Variants in SGMS1 observed in about 807,000 individuals in gnomAD.
The protein encoded by SGMS1 is sphingomyelin synthase 1, also known as phosphatidylcholine:ceramide cholinephosphotransferase 1.
In SGMS1, 13 loss-of-function variants were observed where a neutral mutation model predicts 46.2. That is an observed-to-expected ratio of 0.28 (90% CI 0.18 to 0.45). The LOEUF is 0.45. SGMS1 is among the 20% of genes least tolerant of loss of function. SGMS1 has a pLI of 1.00. For missense variants in SGMS1, 324 were observed against 519.9 expected (o/e 0.62, Z 3.66); for synonymous variants, 203 against 187.8 (o/e 1.08, Z -0.66).
chr10:50,445,800 G>A (rs1432312155), intron 5 of SGMS1, among the ~76,000 whole-genome samples: 1 of 152,160 alleles, frequency 6.6e-6, no homozygotes, highest in Non-Finnish European at 1.5e-5. Flanking sequence ...AACCTTAAAG[G>A]CTGGCTGCCT....
intron 5 of SGMS1, among the ~76,000 whole-genome samples, chr10:50,445,044 G>C (rs12263501): frequency 0.014 from 2,125 of 152,210 alleles, 43 homozygotes; most frequent in African/African-American, 0.048. Context: ...TGTTAAAATA[G>C]TAAAAGATTT....
intron 3 of SGMS1, among the ~76,000 whole-genome samples, chr10:50,480,732 C>T (rs1277230699): frequency 6.6e-6 from 1 of 152,138 alleles, no homozygotes; most frequent in East Asian, 1.9e-4. Flanking sequence ...TGGCCAGTGG[C>T]AGCAGGCTGA....
At chr10:50,354,366 G>A (rs557930978) in intron 6 of SGMS1, among the ~76,000 whole-genome samples, 1 of 152,176 alleles carries the variant, frequency 6.6e-6, no homozygotes, top group Non-Finnish European at 1.5e-5. Context: ...AATAAATGGT[G>A]CTGGGAAAAC....
chr10:50,427,921 G>A (rs1052510009), intron 6 of SGMS1, among the ~76,000 whole-genome samples: 3 of 152,086 alleles, frequency 2.0e-5, no homozygotes, highest in African/African-American at 4.8e-5. Flanking sequence ...TGGAACAGTT[G>A]ATAGGGAACT....
At chr10:50,575,387 C>T (rs1040930265) in intron 2 of SGMS1, among the ~76,000 whole-genome samples, 2 of 151,968 alleles carry the variant, frequency 1.3e-5, no homozygotes, top group South Asian at 4.1e-4. Flanking sequence ...GACCCCATCT[C>T]TATAAAATAA....
chr10:50,376,407 G>C (rs533963232), intron 6 of SGMS1, among the ~76,000 whole-genome samples: 1 of 152,238 alleles, frequency 6.6e-6, no homozygotes, highest in South Asian at 2.1e-4. Context: ...ATTCTTTAAA[G>C]AGATTCCCCC....
At chr10:50,465,558 T>C (rs1377353612) in intron 4 of SGMS1, among the ~76,000 whole-genome samples, 3 of 152,060 alleles carry the variant, frequency 2.0e-5, no homozygotes, top group Admixed American at 1.3e-4. Context: ...AAAAATTCAA[T>C]TGATACTAAG....
chr10:50,610,854 T>A (rs1424874003), intron 1 of SGMS1, among the ~76,000 whole-genome samples: 1 of 152,154 alleles, frequency 6.6e-6, no homozygotes, highest in Non-Finnish European at 1.5e-5. Context: ...CACACCTGTA[T>A]CCTGGCCTCG....
At chr10:50,463,724 C>T (rs1375270703) in intron 4 of SGMS1, among the ~76,000 whole-genome samples, 2 of 152,166 alleles carry the variant, frequency 1.3e-5, no homozygotes, top group African/African-American at 4.8e-5. Context: ...TATTTGCAGA[C>T]CCCTGTTCAC....
intron 2 of SGMS1, among the ~76,000 whole-genome samples, chr10:50,582,282 C>T (rs1035364341): frequency 6.6e-6 from 1 of 152,176 alleles, no homozygotes; most frequent in Non-Finnish European, 1.5e-5. Flanking sequence ...CCCTAGATGT[C>T]TGGGCCATAC....
intron 2 of SGMS1, among the ~76,000 whole-genome samples, chr10:50,576,332 GTC>G (rs1355653101): frequency 6.6e-6 from 1 of 152,180 alleles, no homozygotes; most frequent in African/African-American, 2.4e-5. Flanking sequence ...ATATACTGAG[GTC>G]TCTTGTGAAA....
Position 50,545,636 on chromosome 10 carries a change from C to G in SGMS1, c.-588-25715G>C, listed in dbSNP as rs370182335. On this transcript the variant is annotated intron_variant, in intron 2 of 10. Coordinates refer to ENST00000361781, the MANE Select transcript of SGMS1 (RefSeq NM_147156.4). ...GTTTTTTAGTCGAGACAGGGTTTCA[C>G]CATGTTGGCCAGGTTGGTCTCAAAC... is the stretch of plus-strand genomic sequence containing the variant. Among the ~76,000 whole-genome samples the G allele has an allele frequency of 7.9e-5, 12 of 152,242 alleles. No individual in the cohort carries two copies. In the South Asian group the frequency reaches 1.2e-3, roughly 16 times the overall value.
At chr10:50,433,920 T>C (rs572729395) in intron 5 of SGMS1, among the ~76,000 whole-genome samples, 1 of 152,212 alleles carries the variant, frequency 6.6e-6, no homozygotes, top group African/African-American at 2.4e-5. Flanking sequence ...TCCTCAAAAG[T>C]GAAGGATTAA....
intron 1 of SGMS1, among the ~76,000 whole-genome samples, chr10:50,599,631 G>A (rs912212750): frequency 1.3e-5 from 2 of 152,170 alleles, no homozygotes; most frequent in African/African-American, 4.8e-5. Context: ...GTGGGAAGCC[G>A]AGGTGGGCAG....
intron 3 of SGMS1, among the ~76,000 whole-genome samples, chr10:50,498,208 A>G (rs1486871642): frequency 6.6e-6 from 1 of 152,226 alleles, no homozygotes; most frequent in Non-Finnish European, 1.5e-5. Flanking sequence ...GTAACTTAAC[A>G]TGGGAAAGAT....
At chr10:50,469,241 G>T (rs1225148565) in intron 3 of SGMS1, among the ~76,000 whole-genome samples, 1 of 152,164 alleles carries the variant, frequency 6.6e-6, no homozygotes, top group African/African-American at 2.4e-5. Context: ...CTATTTTCCA[G>T]TTTCAAATTG....
intron 2 of SGMS1, among the ~76,000 whole-genome samples, chr10:50,586,478 C>T (rs1002149355): frequency 1.8e-4 from 28 of 152,368 alleles, no homozygotes; most frequent in African/African-American, 6.0e-4. Context: ...CAAGCCCAAA[C>T]GTTCAACTCT....
At chr10:50,625,123 T>C (rs1254498808), upstream of SGMS1, 1 of 941,086 alleles carries the variant, frequency 1.1e-6, no homozygotes, top group African/African-American at 1.8e-5. Flanking sequence ...GACCCCTGGC[T>C]TGCCCAGAGG....
intron 9 of SGMS1, among the ~76,000 whole-genome samples, chr10:50,308,387 T>C (rs1847207087): frequency 6.6e-6 from 1 of 152,102 alleles, no homozygotes; most frequent in Non-Finnish European, 1.5e-5. Context: ...ATTCATACAA[T>C]CATAAATAGA....
Sources: allele counts gnomAD v4.1 joint callset (sites outside exome capture counted in the v4.1 genomes callset), GRCh38; gene constraint gnomAD v4.1.1; transcripts MANE v1.5; gene names NCBI Gene and HGNC (gene_info 2026-07-23, HGNC 2026-07-21).